CRCP: variants seen among roughly 807,000 people sequenced by gnomAD.
The protein encoded by CRCP is DNA-directed RNA polymerase III subunit RPC9.
Under a neutral mutation model 18.5 loss-of-function variants are expected in CRCP, and 18 were observed. That is an observed-to-expected ratio of 0.97 (90% CI 0.67 to 1.44). CRCP has a LOEUF of 1.44. Among genes scored for constraint, CRCP ranks in the 40% most tolerant of loss-of-function variants. CRCP has a pLI of 0.00. For missense variants in CRCP, 130 were observed against 176.4 expected (o/e 0.74, Z 1.49); for synonymous variants, 53 against 62.9 (o/e 0.84, Z 0.75).
At chr7:66,151,501 G>A (rs1214687746) in intron 5 of CRCP, among the ~76,000 whole-genome samples, 4 of 151,958 alleles carry the variant, frequency 2.6e-5, no homozygotes, top group Non-Finnish European at 5.9e-5. Context: ...CCTGAGAGGC[G>A]GAGGTTGCAG....
At chr7:66,146,896 CAT>C (rs370047311) in intron 5 of CRCP, among the ~76,000 whole-genome samples, 81 of 152,266 alleles carry the variant, frequency 5.3e-4, no homozygotes, top group African/African-American at 1.7e-3. Context: ...GGTTAAAGAT[CAT>C]ATGTCATGTC....
chr7:66,120,100 C>T (rs928177342), intron 1 of CRCP, among the ~76,000 whole-genome samples: 13 of 151,708 alleles, frequency 8.6e-5, no homozygotes, highest in Non-Finnish European at 1.3e-4. Context: ...AGGAGAATGG[C>T]GTGAACCCGG....
At chr7:66,149,050 G>C (rs970635773) in intron 5 of CRCP, among the ~76,000 whole-genome samples, 8 of 152,186 alleles carry the variant, frequency 5.3e-5, no homozygotes, top group African/African-American at 1.9e-4. Flanking sequence ...CCGGTTTGAT[G>C]CTCCTGGGAT....
At chr7:66,137,867 A>G (rs1018927933) in intron 4 of CRCP, among the ~76,000 whole-genome samples, 2 of 152,224 alleles carry the variant, frequency 1.3e-5, no homozygotes, top group African/African-American at 4.8e-5. Flanking sequence ...GGTTGTATTT[A>G]TAACATATAA....
rs1787905865 is a variant in CRCP, at chr7:66,134,323, C to G, written c.188C>G (p.Pro63Arg). The G allele has an allele frequency of 3.7e-6, 6 of 1,610,224 alleles. No homozygotes were observed. Among genetic ancestry groups the G allele is most frequent in the Non-Finnish European group, 5.1e-6 (6 of 1,179,060 alleles). Residue 63 changes from proline to arginine, a missense_variant, in exon 4 of 6, where the codon CCT becomes CGT. Physicochemically the swap from Pro to Arg is moderately radical, Grantham distance 103. Transcript: ENST00000395326. ...AAAACACCATGCAGGCACCAGAGTC[C>G]TGAAATTGTCAGAGAATTTCTCACA... ...ISKTPCRHQS[P>R]EIVREFLTAL...
At chr7:66,138,126 G>C (rs1293076034) in intron 4 of CRCP, among the ~76,000 whole-genome samples, 1 of 152,190 alleles carries the variant, frequency 6.6e-6, no homozygotes, top group Non-Finnish European at 1.5e-5. Context: ...ATTTAGCTGA[G>C]AATGTCATTA....
chr7:66,152,073 A>T lies in CRCP; in HGVS notation c.298-135A>T, dbSNP rs568190207. The T allele has an allele frequency of 6.4e-5, 56 of 872,354 alleles. 1 individual carries two copies. The African/African-American group carries it at 8.4e-4, about 13-fold the overall frequency. 54.0% of individuals were successfully genotyped at this position (872,354 alleles called of 1,614,324 possible). On this transcript the variant is annotated intron_variant, in intron 5 of 5. Coordinates refer to ENST00000395326, the MANE Select transcript of CRCP (RefSeq NM_014478.5). Reference sequence around the variant, plus strand: ...CTCCACCCTTCCGTCTGTAAGATGGAGAGGACTCACGAGGACCCAGGCTGT... The same window carrying T: ...CTCCACCCTTCCGTCTGTAAGATGGTGAGGACTCACGAGGACCCAGGCTGT...
At chr7:66,134,232 G>A in intron 3 of CRCP, 48 bp from the exon 4 acceptor site, 5 of 1,356,958 alleles carry the variant, frequency 3.7e-6, no homozygotes, top group Non-Finnish European at 5.1e-6. Flanking sequence ...CTCATTCAGG[G>A]TTCTTTGTCT....
intron 4 of CRCP, among the ~76,000 whole-genome samples, chr7:66,142,132 C>A (rs191355942): frequency 1.3e-5 from 2 of 152,140 alleles, no homozygotes; most frequent in Non-Finnish European, 2.9e-5. Flanking sequence ...GAAAACTAAC[C>A]GGAATGAACT....
At chr7:66,128,530 G>T (rs534652941) in intron 2 of CRCP, 2 of 152,126 alleles carry the variant, frequency 1.3e-5, no homozygotes, top group Non-Finnish European at 2.9e-5. Context: ...AGTGGCTCAT[G>T]CCCATAATCC....
intron 5 of CRCP, among the ~76,000 whole-genome samples, 155 bp from the exon 6 acceptor site, chr7:66,152,053 C>A (rs1788492853): frequency 6.6e-6 from 1 of 152,178 alleles, no homozygotes; most frequent in African/African-American, 2.4e-5. Context: ...CTTGGCTCCA[C>A]CCTTCCGTCT....
chr7:66,126,443 A>G (rs1190572466), intron 1 of CRCP, among the ~76,000 whole-genome samples: 1 of 148,942 alleles, frequency 6.7e-6, no homozygotes, highest in Non-Finnish European at 1.5e-5. Context: ...GTTCAGTCTC[A>G]TTTCCCACAG....
intron 3 of CRCP, 146 bp from the exon 4 acceptor site, chr7:66,134,134 A>G: frequency 1.6e-6 from 1 of 606,976 alleles, no homozygotes; most frequent in Non-Finnish European, 2.9e-6. Context: ...TGCTGGGATT[A>G]CAGGTGTGAG....
At chr7:66,126,176 T>C (rs903055860) in intron 1 of CRCP, among the ~76,000 whole-genome samples, 11 of 149,412 alleles carry the variant, frequency 7.4e-5, no homozygotes, top group African/African-American at 2.7e-4. Context: ...GATTTGATTA[T>C]AGTGCTGACA....
Position 66,134,259 on chromosome 7 carries a change from CTTT to C in CRCP, c.145-8_145-6del, listed in dbSNP as rs5884583. On this transcript the variant is annotated intron_variant, in intron 3 of 5. Transcript: ENST00000395326. ...TCTTTGTCTTATGCTTGGCTTTTTT[CTTT>C]TTTTTTTTTTTTGCCAGACGTTAAA... 20,412 of 1,344,400 alleles carry C rather than the reference CTTT, an allele frequency of 0.015. No individual in the cohort carries two copies. Among genetic ancestry groups the C allele is most frequent in the Admixed American group, 0.019 (834 of 44,814 alleles). 83.3% of individuals were successfully genotyped at this position (1,344,400 alleles called of 1,614,324 possible).
intron 2 of CRCP, among the ~76,000 whole-genome samples, chr7:66,129,330 C>CA (rs1415583311): frequency 2.6e-5 from 4 of 151,392 alleles, no homozygotes; most frequent in Admixed American, 6.6e-5. Context: ...GACTCCGTCT[C>CA]AAAAAAAATA....
chr7:66,135,796 C>T (rs1205855022), intron 4 of CRCP, among the ~76,000 whole-genome samples: 2 of 152,154 alleles, frequency 1.3e-5, no homozygotes, highest in African/African-American at 4.8e-5. Flanking sequence ...TGGCACATGC[C>T]TGTAATCCCA....
intron 1 of CRCP, among the ~76,000 whole-genome samples, chr7:66,124,002 G>T (rs10272021): frequency 0.61 from 74,738 of 122,074 alleles, 21,644 homozygotes; most frequent in African/African-American, 0.69. Flanking sequence ...CCGAGATCGC[G>T]CCACTGCACT....
intron 1 of CRCP, among the ~76,000 whole-genome samples, chr7:66,123,196 C>T (rs1314961847): frequency 6.6e-6 from 1 of 152,038 alleles, no homozygotes; most frequent in Non-Finnish European, 1.5e-5. Flanking sequence ...TCTCGTGATG[C>T]GCCCGACTTG....
Sources: gnomAD v4.1 joint callset for allele counts (sites outside exome capture counted in the v4.1 genomes callset) on GRCh38, gnomAD v4.1.1 for gene constraint, MANE v1.5 for transcripts, NCBI Gene and HGNC (gene_info 2026-07-23, HGNC 2026-07-21) for gene names.